Variants in FAM200C observed in about 807,000 individuals in gnomAD.
chr5:160,398,193 G>T, the FAM200C span, among the ~76,000 whole-genome samples: 2 of 152,138 alleles, frequency 1.3e-5, no homozygotes, highest in East Asian at 3.9e-4. Flanking sequence ...TGTGAGCTGA[G>T]ATCATTGCAG....
the FAM200C span, chr5:160,395,155 A>T: frequency 6.2e-7 from 1 of 1,613,924 alleles, no homozygotes; most frequent in Non-Finnish European, 8.5e-7. Flanking sequence ...CTAACTTTTC[A>T]GCTACTGTAT....
chr5:160,394,949 T>C, the FAM200C span: 17 of 1,613,550 alleles, frequency 1.1e-5, no homozygotes, highest in Non-Finnish European at 1.4e-5. Flanking sequence ...GTCATCCATG[T>C]CAGTTGTCTC....
chr5:160,398,939 C>G, the FAM200C span, among the ~76,000 whole-genome samples: 1 of 152,164 alleles, frequency 6.6e-6, no homozygotes, highest in African/African-American at 2.4e-5. Flanking sequence ...CAATTATTTA[C>G]AAGTGAAATA....
chr5:160,399,992 GGA>G, the FAM200C span: 1 of 152,330 alleles, frequency 6.6e-6, no homozygotes, highest in Non-Finnish European at 1.5e-5. Context: ...CGGTGCGCCT[GGA>G]GAGAGAAGCA....
the FAM200C span, chr5:160,395,309 T>C: frequency 3.7e-6 from 6 of 1,614,098 alleles, no homozygotes; most frequent in South Asian, 1.1e-5. Flanking sequence ...ATTGAGATCA[T>C]GCCCAGCTAC....
the FAM200C span, among the ~76,000 whole-genome samples, chr5:160,396,998 T>G: frequency 6.6e-6 from 1 of 152,226 alleles, no homozygotes; most frequent in African/African-American, 2.4e-5. Flanking sequence ...GAATCTGTAT[T>G]GTAAGTATTT....
the FAM200C span, chr5:160,395,491 G>C: frequency 2.5e-6 from 4 of 1,612,778 alleles, no homozygotes; most frequent in Non-Finnish European, 3.4e-6. Flanking sequence ...TCTTCGACAT[G>C]GCACACAAAA....
the FAM200C span, among the ~76,000 whole-genome samples, chr5:160,397,771 G>A: frequency 4.6e-5 from 7 of 152,300 alleles, no homozygotes; most frequent in East Asian, 1.3e-3. Context: ...GACTTCTTTT[G>A]TCAAGTAATG....
chr5:160,399,045 G>A, the FAM200C span, among the ~76,000 whole-genome samples: 2 of 152,248 alleles, frequency 1.3e-5, no homozygotes, highest in South Asian at 2.1e-4. Flanking sequence ...CCTTAAGTTG[G>A]TAACTCTTGA....
the FAM200C span, chr5:160,394,238 C>A: frequency 1.2e-6 from 2 of 1,612,368 alleles, no homozygotes; most frequent in Non-Finnish European, 1.7e-6. Context: ...TTTCTCAATT[C>A]GTTTTTGCCA....
chr5:160,395,412 G>A, the FAM200C span: 33 of 1,614,088 alleles, frequency 2.0e-5, no homozygotes, highest in Middle Eastern at 3.3e-4. Flanking sequence ...CACTGTGGAC[G>A]CTGAGTTCCA....
chr5:160,393,688 T>A, the FAM200C span: 9 of 1,481,572 alleles, frequency 6.1e-6, no homozygotes, highest in African/African-American at 1.1e-4. Flanking sequence ...AAATTATTCA[T>A]TAAAAAAGTA....
chr5:160,400,036 G>A, the FAM200C span: 1 of 152,298 alleles, frequency 6.6e-6, no homozygotes, highest in Non-Finnish European at 1.5e-5. Context: ...GCCAGGCCCG[G>A]GTTCCATCCG....
the FAM200C span, chr5:160,395,560 C>A: frequency 1.6e-6 from 2 of 1,272,510 alleles, no homozygotes; most frequent in Non-Finnish European, 2.3e-6. Context: ...AAAATATAAC[C>A]CACACATTAA....
chr5:160,396,059 T>A, the FAM200C span, among the ~76,000 whole-genome samples: 2 of 152,194 alleles, frequency 1.3e-5, no homozygotes, highest in Non-Finnish European at 2.9e-5. Flanking sequence ...ATAGACCACA[T>A]AGTGGCAAAG....
At chr5:160,397,470 G>A in the FAM200C span, 1 of 151,758 alleles carries the variant, frequency 6.6e-6, no homozygotes, top group African/African-American at 2.4e-5. Flanking sequence ...TCCAAGATAA[G>A]TAAGTGATCC....
the FAM200C span, among the ~76,000 whole-genome samples, chr5:160,398,464 A>G: frequency 6.6e-6 from 1 of 151,806 alleles, no homozygotes; most frequent in Non-Finnish European, 1.5e-5. Context: ...TTGATCTGGG[A>G]GGCAGAGGTT....
chr5:160,399,436 T>C, the FAM200C span, among the ~76,000 whole-genome samples: 1 of 152,228 alleles, frequency 6.6e-6, no homozygotes, highest in South Asian at 2.1e-4. Flanking sequence ...GTATGCAAGA[T>C]CATGATAGGC....
the FAM200C span, chr5:160,394,604 C>G: frequency 5.0e-6 from 8 of 1,614,004 alleles, no homozygotes; most frequent in East Asian, 8.9e-5. Flanking sequence ...ATTTATTACC[C>G]TCACCACAGT....
Sources: allele counts gnomAD v4.1 joint callset (sites outside exome capture counted in the v4.1 genomes callset), GRCh38; gene constraint gnomAD v4.1.1; transcripts MANE v1.5.